VRK2: variants seen among roughly 807,000 people sequenced by gnomAD.
The protein encoded by VRK2 is serine/threonine-protein kinase VRK2.
A neutral mutation model predicts 57.6 loss-of-function variants in VRK2; 60 were observed. The observed-to-expected ratio is 1.04, with a 90% CI of 0.85 to 1.29. VRK2 has a LOEUF of 1.29. Among genes scored for constraint, VRK2 ranks in the 50% most tolerant of loss-of-function variants. The probability of loss-of-function intolerance (pLI) is 0.00; values close to 1 mark genes in which losing one functional copy is unlikely to be tolerated. For missense variants in VRK2, 705 were observed against 588.1 expected (o/e 1.20, Z -2.06); for synonymous variants, 231 against 199.2 (o/e 1.16, Z -1.35).
chr2:57,976,743 T>C (rs1029188575), intron 1 of VRK2, among the ~76,000 whole-genome samples: 5 of 152,166 alleles, frequency 3.3e-5, no homozygotes, highest in Admixed American at 2.6e-4. Context: ...ACTTGTCTAC[T>C]TTTGTTTTCA....
chr2:58,129,166 C>T (rs965672622), intron 8 of VRK2, among the ~76,000 whole-genome samples: 2 of 151,998 alleles, frequency 1.3e-5, no homozygotes, highest in African/African-American at 4.8e-5. Flanking sequence ...CAGTTCCAAG[C>T]AATAATAAGT....
chr2:58,004,892 C>A (rs1208779693), intron 1 of VRK2, among the ~76,000 whole-genome samples: 2 of 152,088 alleles, frequency 1.3e-5, no homozygotes, highest in Non-Finnish European at 2.9e-5. Flanking sequence ...TCATTTGAAA[C>A]TGTATTAAAT....
At chr2:58,112,659 G>GTTGAGGCTTAAATA (rs1675749750) in intron 7 of VRK2, among the ~76,000 whole-genome samples, 1 of 152,170 alleles carries the variant, frequency 6.6e-6, no homozygotes, top group Non-Finnish European at 1.5e-5. Context: ...GGTCCAGATG[G>GTTGAGGCTTAAATA]TTGAGGCTTA....
chr2:58,046,742 T>C (rs1572830521), upstream of VRK2: 7 of 985,520 alleles, frequency 7.1e-6, no homozygotes, highest in Non-Finnish European at 8.4e-6. Context: ...AGGCAGGTCC[T>C]AGGGAGGGCA....
intron 1 of VRK2, among the ~76,000 whole-genome samples, chr2:57,943,290 C>A (rs116076319): frequency 0.013 from 1,941 of 152,272 alleles, 20 homozygotes; most frequent in Non-Finnish European, 0.019. Context: ...CAAAAGTATC[C>A]AATTGAACTT....
chr2:58,087,305 A>G (rs1443083406), intron 5 of VRK2, among the ~76,000 whole-genome samples: 1 of 152,174 alleles, frequency 6.6e-6, no homozygotes, highest in African/African-American at 2.4e-5. Flanking sequence ...AGCAAACAGT[A>G]ATCTTGAAGT....
intron 2 of VRK2, among the ~76,000 whole-genome samples, chr2:58,026,441 T>C (rs750973006): frequency 2.2e-4 from 34 of 152,118 alleles, no homozygotes; most frequent in Non-Finnish European, 4.4e-4. Flanking sequence ...TCCTGACAAC[T>C]ACATATACAC....
At chr2:57,978,033 A>G (rs1558522707) in intron 1 of VRK2, among the ~76,000 whole-genome samples, 1 of 151,286 alleles carries the variant, frequency 6.6e-6, no homozygotes, top group Non-Finnish European at 1.5e-5. Flanking sequence ...TGATTTGCAT[A>G]TGCTGAACTA....
intron 12 of VRK2, among the ~76,000 whole-genome samples, chr2:58,157,500 G>C (rs149253962): frequency 6.6e-6 from 1 of 152,044 alleles, no homozygotes; most frequent in Non-Finnish European, 1.5e-5. Flanking sequence ...GTCCTCTGTG[G>C]GGCAGGATCA....
intron 8 of VRK2, among the ~76,000 whole-genome samples, chr2:58,126,825 T>C (rs1678423066): frequency 6.6e-6 from 1 of 152,100 alleles, no homozygotes; most frequent in South Asian, 2.1e-4. Context: ...AAGAGAATTA[T>C]ATTTGTGTCA....
intron 2 of VRK2, among the ~76,000 whole-genome samples, chr2:58,052,806 G>C (rs1304255937): frequency 6.6e-6 from 1 of 152,132 alleles, no homozygotes; most frequent in African/African-American, 2.4e-5. Flanking sequence ...ATTTGCTATA[G>C]TAGTGAAAAG....
intron 1 of VRK2, among the ~76,000 whole-genome samples, chr2:57,915,657 A>G (rs1377066338): frequency 6.6e-6 from 1 of 152,208 alleles, no homozygotes; most frequent in African/African-American, 2.4e-5. Flanking sequence ...ACCTTACTAT[A>G]AACAGTTATC....
At chr2:58,095,357 G>A (rs1406056475) in intron 7 of VRK2, among the ~76,000 whole-genome samples, 1 of 151,022 alleles carries the variant, frequency 6.6e-6, no homozygotes, top group African/African-American at 2.4e-5. Context: ...TTTTAAAATT[G>A]ATTTGGGGGA....
intron 12 of VRK2, among the ~76,000 whole-genome samples, chr2:58,155,902 G>C (rs1683752025): frequency 6.7e-6 from 1 of 148,546 alleles, no homozygotes; most frequent in African/African-American, 2.5e-5. Context: ...TGGTTACATA[G>C]AGCATGTTTT....
intron 5 of VRK2, among the ~76,000 whole-genome samples, chr2:58,087,665 T>A (rs903705318): frequency 1.3e-5 from 2 of 152,080 alleles, no homozygotes; most frequent in Non-Finnish European, 2.9e-5. Context: ...AGAGACGGTA[T>A]ATATGATCTT....
chr2:57,941,976 T>C (rs1671109743), intron 1 of VRK2, among the ~76,000 whole-genome samples: 1 of 152,182 alleles, frequency 6.6e-6, no homozygotes, highest in Non-Finnish European at 1.5e-5. Flanking sequence ...AAAAACTGCT[T>C]TGTGGGGATG....
intron 1 of VRK2, among the ~76,000 whole-genome samples, chr2:58,002,586 AT>A (rs951378511): frequency 1.1e-3 from 171 of 151,596 alleles, no homozygotes; most frequent in South Asian, 2.1e-3. Context: ...GCAGAGGATT[AT>A]TTTTTTTTAA....
intron 12 of VRK2, among the ~76,000 whole-genome samples, chr2:58,158,021 A>G (rs1684237553): frequency 6.6e-6 from 1 of 152,234 alleles, no homozygotes; most frequent in African/African-American, 2.4e-5. Context: ...GTGCCTTGCC[A>G]TATGATGTCA....
chr2:58,019,638 T>C (rs535569703), intron 1 of VRK2, among the ~76,000 whole-genome samples: 8 of 152,322 alleles, frequency 5.3e-5, no homozygotes, highest in African/African-American at 1.9e-4. Flanking sequence ...TTTAAACAAG[T>C]GCTTTTTAAT....
Sources: allele counts gnomAD v4.1 joint callset (sites outside exome capture counted in the v4.1 genomes callset), GRCh38; gene constraint gnomAD v4.1.1; transcripts MANE v1.5; gene names NCBI Gene and HGNC (gene_info 2026-07-23, HGNC 2026-07-21).